Variants in PTPRK observed in about 807,000 individuals in gnomAD.
PTPRK encodes protein tyrosine phosphatase receptor type K, also known as receptor-type tyrosine-protein phosphatase kappa.
A neutral mutation model predicts 178.0 loss-of-function variants in PTPRK; 75 were observed. The observed-to-expected ratio is 0.42, with a 90% CI of 0.35 to 0.51. PTPRK has a LOEUF of 0.51. PTPRK is among the 20% of genes least tolerant of loss of function. The pLI is 0.02. For synonymous variants in PTPRK, 637 were observed against 620.6 expected (o/e 1.03, Z -0.39); for missense variants, 1,441 against 1,797.8 (o/e 0.80, Z 3.59).
chr6:128,502,537 C>T (rs1855710747), intron 1 of PTPRK, among the ~76,000 whole-genome samples: 1 of 152,182 alleles, frequency 6.6e-6, no homozygotes, highest in South Asian at 2.1e-4. Context: ...TCACTGGATT[C>T]CTCACACCCA....
At chr6:128,422,091 G>A (rs968154836) in intron 1 of PTPRK, among the ~76,000 whole-genome samples, 3 of 152,164 alleles carry the variant, frequency 2.0e-5, no homozygotes, top group Admixed American at 2.0e-4. Flanking sequence ...TTTTCAAAGT[G>A]TGTTGTTGAA....
intron 1 of PTPRK, among the ~76,000 whole-genome samples, chr6:128,503,984 G>T (rs1230168873): frequency 6.6e-6 from 1 of 151,948 alleles, no homozygotes; most frequent in Non-Finnish European, 1.5e-5. Flanking sequence ...CCCCAATAAG[G>T]TGTTGCCAAC....
chr6:128,082,447 G>T lies in PTPRK; in HGVS notation c.1767C>A (p.Thr589=), dbSNP rs534875794. The change falls in exon 10 of 30, where the codon ACC becomes ACA. Residue 589 remains threonine (T), a synonymous_variant. Coordinates refer to ENST00000368226, the MANE Select transcript of PTPRK (RefSeq NM_002844.4). Reference sequence around the variant, plus strand: ...TATTCATTTGCATACCTGAGATATTGGTGGTGACATTGATGGCTGTGGCTG... The same window carrying T: ...TATTCATTTGCATACCTGAGATATTTGTGGTGACATTGATGGCTGTGGCTG... The part of the protein sequence containing the change: ...FGPATAINVT[T]NISAPTLPDY... 2 of 1,605,052 alleles carry T rather than the reference G, an allele frequency of 1.2e-6. No individual in the cohort carries two copies. The highest frequency in any genetic ancestry group is 1.3e-5 in the African/African-American group (1 of 74,752).
At chr6:128,197,084 T>C (rs1319770375) in intron 6 of PTPRK, among the ~76,000 whole-genome samples, 1 of 151,914 alleles carries the variant, frequency 6.6e-6, no homozygotes, top group East Asian at 1.9e-4. Flanking sequence ...GATGCACTAA[T>C]ATAAGTTGAT....
chr6:128,377,626 T>C (rs1310348054), intron 2 of PTPRK, among the ~76,000 whole-genome samples: 1 of 152,064 alleles, frequency 6.6e-6, no homozygotes, highest in Non-Finnish European at 1.5e-5. Context: ...CTTTGATTTG[T>C]ATTTCAAAAT....
At chr6:128,172,644 A>ATATATATATATAT (rs1323803059) in intron 7 of PTPRK, among the ~76,000 whole-genome samples, 1 of 149,546 alleles carries the variant, frequency 6.7e-6, no homozygotes, top group African/African-American at 2.5e-5. Flanking sequence ...GTATATATAT[A>ATATATATATATAT]ATGTGTATAT....
rs183422846 is a variant in PTPRK at position 128,085,819 on chromosome 6, A to T, written c.1466-1995T>A. Among the ~76,000 whole-genome samples, 4 of 152,328 alleles carry T rather than the reference A, an allele frequency of 2.6e-5. No homozygotes were observed. The East Asian group carries it at 7.7e-4, about 29-fold the overall frequency. On this transcript the variant is annotated intron_variant, in intron 8 of 29. Transcript: ENST00000368226. ...AAAGTTGTGGACAAGAGAGTGTCAT[A>T]CTACTTGTCGTGTACTTGGATGATC...
chr6:128,368,999 AG>A (rs551705827), intron 2 of PTPRK, among the ~76,000 whole-genome samples: 3 of 152,182 alleles, frequency 2.0e-5, no homozygotes, highest in African/African-American at 7.2e-5. Flanking sequence ...ATCACCCAAG[AG>A]CTAAACTACA....
At chr6:127,996,842 GT>G (rs1777205175) in intron 17 of PTPRK, 58 bp downstream of exon 17, 1 of 1,545,898 alleles carries the variant, frequency 6.5e-7, no homozygotes, top group African/African-American at 1.4e-5. Context: ...TTTTCTTAAA[GT>G]TTAAAACCAT....
Position 128,349,525 on chromosome 6 carries a change from T to C in PTPRK, c.224-27215A>G, listed in dbSNP as rs1385347554. Among the ~76,000 whole-genome samples the C allele has an allele frequency of 2.0e-5, 3 of 152,018 alleles. No homozygotes were observed. The East Asian group carries it at 5.8e-4, about 29-fold the overall frequency. ...GGTGAGAGGTGCCCACTGCAATATTTTAGGTAAAGAGCTGCTGCTGTTTTA... is the reference window on the plus strand; with the variant it reads ...GGTGAGAGGTGCCCACTGCAATATTCTAGGTAAAGAGCTGCTGCTGTTTTA... On this transcript the variant is annotated intron_variant, in intron 2 of 29. Transcript: ENST00000368226.
At chr6:128,029,081 A>T (rs1460686276) in intron 13 of PTPRK, among the ~76,000 whole-genome samples, 1 of 152,114 alleles carries the variant, frequency 6.6e-6, no homozygotes, top group African/African-American at 2.4e-5. Flanking sequence ...CCAATGCTGG[A>T]GATGGGACTT....
intron 7 of PTPRK, among the ~76,000 whole-genome samples, chr6:128,114,444 C>A (rs1583067224): frequency 1.3e-5 from 2 of 151,866 alleles, no homozygotes; most frequent in South Asian, 2.1e-4. Flanking sequence ...ATGGTGAAAT[C>A]CTGTATCTAG....
intron 13 of PTPRK, among the ~76,000 whole-genome samples, chr6:128,015,086 A>G (rs959935172): frequency 1.3e-5 from 2 of 151,778 alleles, no homozygotes; most frequent in African/African-American, 4.8e-5. Context: ...TACTGCAGAT[A>G]TTGAAAATTA....
chr6:128,229,326 T>G (rs1198682093), intron 5 of PTPRK, among the ~76,000 whole-genome samples: 1 of 152,168 alleles, frequency 6.6e-6, no homozygotes. Context: ...AGAATATCGG[T>G]GTGGAAATAA....
chr6:128,464,638 CATATATATATATATATAT>C (rs10665667), intron 1 of PTPRK, among the ~76,000 whole-genome samples: 39 of 48,610 alleles, frequency 8.0e-4, no homozygotes, highest in South Asian at 1.9e-3. Context: ...TATATATACA[CATATATATATATATATAT>C]ATATATATAT....
chr6:128,004,164 C>G (rs1778162197), intron 15 of PTPRK, among the ~76,000 whole-genome samples: 1 of 151,720 alleles, frequency 6.6e-6, no homozygotes, highest in African/African-American at 2.4e-5. Context: ...CCGGGGTGAG[C>G]ATATCTCTGC....
At chr6:128,088,950 G>A (rs1278304916) in intron 8 of PTPRK, among the ~76,000 whole-genome samples, 1 of 152,106 alleles carries the variant, frequency 6.6e-6, no homozygotes, top group East Asian at 1.9e-4. Flanking sequence ...AGGGTAAGCA[G>A]TATAAACAGT....
chr6:128,333,228 T>G (rs1269916399), intron 2 of PTPRK, among the ~76,000 whole-genome samples: 1 of 152,188 alleles, frequency 6.6e-6, no homozygotes, highest in Non-Finnish European at 1.5e-5. Flanking sequence ...AAAATCATGC[T>G]AACAATTCCC....
intron 1 of PTPRK, among the ~76,000 whole-genome samples, chr6:128,517,643 T>A (rs1162070671): frequency 6.6e-6 from 1 of 152,200 alleles, no homozygotes; most frequent in Non-Finnish European, 1.5e-5. Flanking sequence ...AAAACACTCT[T>A]ACATTTTTGG....
Sources: allele counts gnomAD v4.1 joint callset (sites outside exome capture counted in the v4.1 genomes callset), GRCh38; gene constraint gnomAD v4.1.1; transcripts MANE v1.5; gene names NCBI Gene and HGNC (gene_info 2026-07-23, HGNC 2026-07-21).